CES5A: variants seen among roughly 807,000 people sequenced by gnomAD.
CES5A encodes the protein carboxylesterase 5.
In CES5A, 67 loss-of-function variants were observed where a neutral mutation model predicts 62.9. The ratio of observed to expected loss-of-function variants is 1.07; its 90% CI spans 0.88 to 1.31. The LOEUF is 1.31. CES5A is among the 50% of genes most tolerant of loss of function. The probability of loss-of-function intolerance (pLI) is 0.00; values close to 1 mark genes in which losing one functional copy is unlikely to be tolerated. For missense variants in CES5A, 748 were observed against 708.5 expected (o/e 1.06, Z -0.63); for synonymous variants, 296 against 280.8 (o/e 1.05, Z -0.54).
At position 55,849,856 on chromosome 16, in the gene CES5A, G is replaced by C. The variant is rs915639605; in HGVS notation, c.1274-83C>G. On this transcript the variant is annotated intron_variant, in intron 10 of 12. Transcript: ENST00000290567. Reference sequence around the variant, plus strand: ...CTGTGTCCCCACCTATCAAGTCTTGGATGTATAGACCCAGGGGTGGGACAG... The same window carrying C: ...CTGTGTCCCCACCTATCAAGTCTTGCATGTATAGACCCAGGGGTGGGACAG... The C allele has an allele frequency of 4.8e-6, 7 of 1,459,956 alleles. No individual in the cohort carries two copies. The African/African-American group carries it at 9.8e-5, about 20-fold the overall frequency. 90.4% of individuals were successfully genotyped at this position (1,459,956 alleles called of 1,614,324 possible).
chr16:55,947,421 C>G (rs1175476122), intron 2 of CES5A, among the ~76,000 whole-genome samples: 1 of 152,144 alleles, frequency 6.6e-6, no homozygotes, highest in Non-Finnish European at 1.5e-5. Context: ...ATTAAAATTT[C>G]ATTTATTGAC....
At chr16:55,902,041 T>C (rs1198136909) in intron 1 of CES5A, among the ~76,000 whole-genome samples, 1 of 152,172 alleles carries the variant, frequency 6.6e-6, no homozygotes, top group African/African-American at 2.4e-5. Context: ...ATCCTTCCTC[T>C]TTGATCTCAG....
At chr16:55,873,553 C>T (rs948893851) in intron 2 of CES5A, among the ~76,000 whole-genome samples, 1 of 152,186 alleles carries the variant, frequency 6.6e-6, no homozygotes, top group Non-Finnish European at 1.5e-5. Context: ...AAAAAGCGTT[C>T]AGATAATAGT....
upstream of CES5A, among the ~76,000 whole-genome samples, chr16:55,879,265 T>A (rs1196412827): frequency 6.8e-6 from 1 of 147,910 alleles, no homozygotes; most frequent in African/African-American, 2.5e-5. Flanking sequence ...CCCCTAACAG[T>A]GTACCTCACC....
intron 8 of CES5A, 50 bp from the exon 9 acceptor site, chr16:55,856,495 A>G (rs768225038): frequency 6.4e-7 from 1 of 1,561,642 alleles, no homozygotes; most frequent in Admixed American, 1.7e-5. Context: ...TGAGAAGGTA[A>G]ACCCATCTCC....
intron 1 of CES5A, among the ~76,000 whole-genome samples, chr16:55,893,330 G>A (rs2033900189): frequency 6.6e-6 from 1 of 151,872 alleles, no homozygotes; most frequent in Non-Finnish European, 1.5e-5. Flanking sequence ...AAAAAAATTG[G>A]AATCATAAAG....
At chr16:55,856,147 G>A (rs1416347596) in intron 9 of CES5A, among the ~76,000 whole-genome samples, 4 of 152,126 alleles carry the variant, frequency 2.6e-5, no homozygotes, top group Admixed American at 6.6e-5. Flanking sequence ...TGTACAGCCT[G>A]CAGCATCATG....
chr16:55,878,669 G>A (rs1223070221), upstream of CES5A, among the ~76,000 whole-genome samples: 1 of 122,836 alleles, frequency 8.1e-6, no homozygotes, highest in Non-Finnish European at 1.6e-5. Context: ...CCTCATCTCT[G>A]CATCCCACCA....
chr16:55,846,540 G>T lies in CES5A; in HGVS notation c.1639C>A (p.Leu547Met), dbSNP rs774002308. 4.3e-6 allele frequency: 7 copies of T among 1,614,068 alleles called. No homozygotes were observed. Among genetic ancestry groups the T allele is most frequent in the Non-Finnish European group, 5.9e-6 (7 of 1,180,032 alleles). ...CTGTGGAGCATGTCGGAGGCAGACA[G>T]GATCAGGGGGATGGTGCTGGTCCAA... ...DFWTSTIPLI[L>M]SASDMLHSPL... Residue 547 changes from leucine to methionine, a missense_variant, in exon 13 of 13, where the codon CTG (leucine) becomes ATG (methionine). Leu to Met is a conservative substitution (Grantham distance 15, BLOSUM62 2). Transcript: ENST00000290567.
intron 1 of CES5A, among the ~76,000 whole-genome samples, chr16:55,915,411 G>T (rs2034138206): frequency 6.6e-6 from 1 of 152,108 alleles, no homozygotes; most frequent in Non-Finnish European, 1.5e-5. Flanking sequence ...AGTGGAAGGG[G>T]GTGGAGAAGG....
At chr16:55,878,212 C>T (rs2142421617), upstream of CES5A, among the ~76,000 whole-genome samples, 1 of 152,184 alleles carries the variant, frequency 6.6e-6, no homozygotes, top group South Asian at 2.1e-4. Flanking sequence ...TTAATCTACC[C>T]CTGCTGATAG....
In CES5A at chr16:55,951,103, C is replaced by CAAAA. The variant is rs55951124; in HGVS notation, c.43-1205_43-1202dup. 5.2e-4 allele frequency among the ~76,000 whole-genome samples: 23 copies of CAAAA among 44,370 alleles called. 1 individual carries two copies. Among genetic ancestry groups the CAAAA allele is most frequent in the African/African-American group, 1.4e-3 (11 of 8,142 alleles). The allele number at this position is 44,370 out of a possible 152,430, so 29.1% of individuals were successfully genotyped here. A position where few individuals can be genotyped will look rare whatever the true frequency, so the allele number is the denominator to read the frequency against. ...CCTGGGAGACAGCGAGACTCCATCT[C>CAAAA]AAAAAAAAAAAAAAAAAAAAAAAAA... On this transcript the variant is annotated intron_variant, in intron 1 of 13. Coordinates refer to the CES5A transcript ENST00000521992.
intron 2 of CES5A, 139 bp from the exon 3 acceptor site, chr16:55,871,902 A>G: frequency 1.3e-6 from 1 of 778,624 alleles, no homozygotes; most frequent in Non-Finnish European, 2.0e-6. Context: ...ACAAAGTCCA[A>G]TCATGCCCAA....
intron 1 of CES5A, among the ~76,000 whole-genome samples, chr16:55,894,494 G>A (rs1284747990): frequency 1.2e-4 from 6 of 48,970 alleles, no homozygotes; most frequent in Non-Finnish European, 2.1e-4. Flanking sequence ...GCAAAACTCT[G>A]TCTCAAAAAA....
chr16:55,901,664 C>A (rs2033991881), intron 1 of CES5A, among the ~76,000 whole-genome samples: 1 of 152,160 alleles, frequency 6.6e-6, no homozygotes, highest in African/African-American at 2.4e-5. Flanking sequence ...GAGCACCAGC[C>A]ATAGTGGAGG....
Position 55,854,873 on chromosome 16 carries a change from C to G in CES5A, c.1125+1504G>C, listed in dbSNP as rs13332935. Among the ~76,000 whole-genome samples, 1,091 of 152,210 alleles carry G rather than the reference C, an allele frequency of 7.2e-3. 13 individuals are homozygous for G. The highest frequency in any genetic ancestry group is 0.025 in the African/African-American group (1,037 of 41,534). Reference sequence around the variant, plus strand: ...AAAATAGAAATCAAATGTCCTTCTTCCTTCTGTTCTCAGTCTTTAGGATGA... The same window carrying G: ...AAAATAGAAATCAAATGTCCTTCTTGCTTCTGTTCTCAGTCTTTAGGATGA... On this transcript the variant is annotated intron_variant, in intron 9 of 12. Transcript: ENST00000290567.
At chr16:55,932,904 C>T (rs960844634) in intron 2 of CES5A, among the ~76,000 whole-genome samples, 1 of 152,138 alleles carries the variant, frequency 6.6e-6, no homozygotes, top group African/African-American at 2.4e-5. Flanking sequence ...GGAGTAGGGA[C>T]ATTAATTAGG....
intron 5 of CES5A, among the ~76,000 whole-genome samples, chr16:55,864,384 C>A (rs2033414447): frequency 6.6e-6 from 1 of 152,152 alleles, no homozygotes; most frequent in Admixed American, 6.5e-5. Context: ...CCATTCTGAG[C>A]CAGTGGACCA....
chr16:55,928,937 T>C (rs77566239), upstream of CES5A, among the ~76,000 whole-genome samples: 116 of 152,306 alleles, frequency 7.6e-4, no homozygotes, highest in East Asian at 4.6e-3. Flanking sequence ...GAAGGTCTTC[T>C]AGCATGCGTC....
Sources: allele counts gnomAD v4.1 joint callset (sites outside exome capture counted in the v4.1 genomes callset), GRCh38; gene constraint gnomAD v4.1.1; transcripts MANE v1.5; gene names NCBI Gene and HGNC (gene_info 2026-07-23, HGNC 2026-07-21).